PCLO: variants seen among roughly 807,000 people sequenced by gnomAD.
PCLO encodes piccolo presynaptic cytomatrix protein, also known as protein piccolo.
Under a neutral mutation model 427.5 loss-of-function variants are expected in PCLO, and 82 were observed. That is an observed-to-expected ratio of 0.19 (90% confidence interval 0.16 to 0.23). The LOEUF is 0.23. PCLO is among the 10% of genes least tolerant of loss of function. PCLO has a pLI of 1.00. For missense variants in PCLO, 6,239 were observed against 6,115.9 expected, an observed-to-expected ratio of 1.02 and a Z score of -0.67; for synonymous variants, 2,357 against 2,155.4, an observed-to-expected ratio of 1.09 and a Z score of -2.59.
At chr7:82,847,073 C>T in intron 11 of PCLO, 66 bp downstream of exon 11, 1 of 798,690 alleles carries the variant, frequency 1.3e-6, no homozygotes, top group Non-Finnish European at 2.1e-6. Context: ...TCCACCTTAA[C>T]AATTTTAAAT....
intron 22 of PCLO, among the ~76,000 whole-genome samples, chr7:82,775,209 G>T (rs1036204964): frequency 6.6e-6 from 1 of 152,082 alleles, no homozygotes; most frequent in South Asian, 2.1e-4. Flanking sequence ...CCATGGGCAG[G>T]TTTTTTTGTG....
In PCLO at chr7:82,953,734, G is replaced by A; in HGVS notation, c.7219C>T (p.Pro2407Ser). The A allele has an allele frequency of 8.7e-7, 1 of 1,153,466 alleles. No individual in the cohort carries two copies. Among genetic ancestry groups the A allele is most frequent in the Non-Finnish European group, 1.2e-6 (1 of 838,742 alleles). The allele number at this position is 1,153,466 out of a possible 1,614,324, so 71.5% of individuals were successfully genotyped here. Reference protein sequence around the residue: ...SSLDISAQPPPPPPPPPPPPP... With the variant: ...SSLDISAQPPSPPPPPPPPPP... ...GGAGGAGGGGGAGGGGGAGGAGGGGGAGGAGGTTGAGCTGATATATCCAAA... is the reference window on the plus strand; with the variant it reads ...GGAGGAGGGGGAGGGGGAGGAGGGGAAGGAGGTTGAGCTGATATATCCAAA... The change falls in exon 5 of 25, where the codon CCC becomes TCC. Residue 2407 changes from proline to serine, a missense_variant. By Grantham distance (74) the Pro-to-Ser change is moderately conservative (BLOSUM62 -1). This residue lies in a region of PCLO where 4,677 missense variants were observed against 4,468.4 expected (regional missense o/e 1.05). Coordinates refer to ENST00000333891, the MANE Select transcript of PCLO (RefSeq NM_033026.6).
intron 9 of PCLO, among the ~76,000 whole-genome samples, chr7:82,891,737 T>TA (rs1342480866): frequency 6.6e-6 from 1 of 152,100 alleles, no homozygotes; most frequent in Admixed American, 6.6e-5. Flanking sequence ...TGAGAGTTTT[T>TA]ATCATGAAGC....
intron 22 of PCLO, among the ~76,000 whole-genome samples, chr7:82,798,314 T>A (rs566825012): frequency 6.6e-6 from 1 of 152,106 alleles, no homozygotes; most frequent in Admixed American, 6.5e-5. Flanking sequence ...TGGTGAAGGA[T>A]TGAATGGAGG....
chr7:82,846,493 A>G (rs1792505590), intron 12 of PCLO, 74 bp downstream of exon 12: 2 of 902,776 alleles, frequency 2.2e-6, no homozygotes, highest in African/African-American at 3.3e-5. Flanking sequence ...TTCATCTACA[A>G]TTACATCTGC....
chr7:83,113,954 T>C (rs185143904), intron 3 of PCLO, among the ~76,000 whole-genome samples: 2 of 152,242 alleles, frequency 1.3e-5, no homozygotes, highest in East Asian at 3.9e-4. Flanking sequence ...ATTTTCTTTC[T>C]AATCCTTCTA....
At chr7:82,967,629 T>C (rs1795808793) in intron 3 of PCLO, among the ~76,000 whole-genome samples, 1 of 152,190 alleles carries the variant, frequency 6.6e-6, no homozygotes, top group South Asian at 2.1e-4. Flanking sequence ...ACCTGCCTTT[T>C]TGATAAACTG....
At chr7:82,820,178 G>T (rs1791759547) in intron 20 of PCLO, among the ~76,000 whole-genome samples, 1 of 152,174 alleles carries the variant, frequency 6.6e-6, no homozygotes, top group Admixed American at 6.5e-5. Context: ...TGAGAAGATT[G>T]CAAAGTAGAT....
At chr7:83,118,145 A>G (rs904751695) in intron 3 of PCLO, among the ~76,000 whole-genome samples, 1 of 152,238 alleles carries the variant, frequency 6.6e-6, no homozygotes, top group Non-Finnish European at 1.5e-5. Flanking sequence ...AGCTCGCACT[A>G]TAACAAAACA....
Position 83,160,233 on chromosome 7 carries a change from CATTG to C in PCLO, c.248+2108_248+2111del, listed in dbSNP as rs1329086619. ...ATTTAAAGGCAAGGAACATGAGACACATTGATTGAGAAGTATTTGTAATTTGCTA... is the reference window on the plus strand; with the variant it reads ...ATTTAAAGGCAAGGAACATGAGACACATTGAGAAGTATTTGTAATTTGCTA... On this transcript the variant is annotated intron_variant, in intron 1 of 24. Transcript: ENST00000333891. Among the ~76,000 whole-genome samples, 4 of 152,268 alleles carry C rather than the reference CATTG, an allele frequency of 2.6e-5. No homozygotes were observed. In the South Asian group the frequency reaches 6.2e-4, roughly 24 times the overall value.
chr7:83,002,208 AT>A (rs1787841047), intron 3 of PCLO, among the ~76,000 whole-genome samples: 2 of 151,528 alleles, frequency 1.3e-5, no homozygotes, highest in South Asian at 4.2e-4. Flanking sequence ...TCTATTATCT[AT>A]ATTCCTAACT....
rs550684617 is a variant in PCLO, at chr7:82,992,666, G to C, written c.3301-26179C>G. 5.3e-5 allele frequency among the ~76,000 whole-genome samples: 8 copies of C among 151,824 alleles called. No individual in the cohort carries two copies. In the Admixed American group the frequency reaches 5.3e-4, roughly 10 times the overall value. On this transcript the variant is annotated intron_variant, in intron 3 of 24. Transcript: ENST00000333891. ...ATGCGGGGCTTAAAACCTAGATGAC[G>C]GGTTCATAGGTGCAGCAAACCACCA...
At chr7:82,989,530 GGC>G (rs1412189916) in intron 3 of PCLO, among the ~76,000 whole-genome samples, 1 of 151,814 alleles carries the variant, frequency 6.6e-6, no homozygotes, top group South Asian at 2.1e-4. Flanking sequence ...AATGAAATAT[GGC>G]ATTCTCAATA....
chr7:82,762,487 C>G (rs1386238213), intron 22 of PCLO, among the ~76,000 whole-genome samples: 1 of 151,902 alleles, frequency 6.6e-6, no homozygotes, highest in Non-Finnish European at 1.5e-5. Flanking sequence ...AATTTATTCT[C>G]AAACATTTTG....
At chr7:82,825,854 A>G (rs1253309527) in intron 18 of PCLO, among the ~76,000 whole-genome samples, 1 of 148,288 alleles carries the variant, frequency 6.7e-6, no homozygotes. Context: ...GTAAATGTGT[A>G]TATATATACA....
chr7:83,067,401 C>T (rs182033478), intron 3 of PCLO, among the ~76,000 whole-genome samples: 2 of 152,272 alleles, frequency 1.3e-5, no homozygotes, highest in Admixed American at 1.3e-4. Context: ...CATATTAATT[C>T]AGTTGATTGC....
At chr7:82,841,399 A>G (rs1792361070) in intron 14 of PCLO, 60 bp downstream of exon 14, 1 of 977,932 alleles carries the variant, frequency 1.0e-6, no homozygotes, top group Admixed American at 1.8e-5. Context: ...ATTTCAACAA[A>G]CCAGTGGCAA....
In PCLO at chr7:82,994,741, G is replaced by A. The variant is rs547029437; in HGVS notation, c.3301-28254C>T. 3.8e-4 allele frequency among the ~76,000 whole-genome samples: 58 copies of A among 151,944 alleles called. 2 individuals carry two copies. In the South Asian group the frequency reaches 0.011, roughly 30 times the overall value. On this transcript the variant is annotated intron_variant, in intron 3 of 24. Transcript: ENST00000333891. ...GATAACCATTTTCAAAATATCACTTGAGGTGAAAAATGGATTGGAGTGAGA... is the reference window on the plus strand; with the variant it reads ...GATAACCATTTTCAAAATATCACTTAAGGTGAAAAATGGATTGGAGTGAGA...
intron 6 of PCLO, 79 bp downstream of exon 6, chr7:82,949,397 C>T (rs992985468): frequency 3.7e-6 from 4 of 1,085,394 alleles, no homozygotes; most frequent in African/African-American, 1.6e-5. Flanking sequence ...TACCAGGAGC[C>T]TGATCGCCTC....
Sources: allele counts gnomAD v4.1 joint callset (sites outside exome capture counted in the v4.1 genomes callset), GRCh38; gene constraint gnomAD v4.1.1; regional missense constraint gnomAD v4.1.1; transcripts MANE v1.5; gene names NCBI Gene and HGNC (gene_info 2026-07-23, HGNC 2026-07-21).